PPFIA2: variants seen among roughly 807,000 people sequenced by gnomAD.
PPFIA2 encodes the protein liprin-alpha-2.
PPFIA2 carries 46 observed loss-of-function variants against 175.5 expected under a neutral mutation model. The ratio of observed to expected loss-of-function variants is 0.26; its 90% CI spans 0.21 to 0.34. The LOEUF (loss-of-function observed/expected upper bound fraction) is 0.34, where lower values mean the gene tolerates loss of function less well. PPFIA2 is among the 10% of genes least tolerant of loss of function. PPFIA2 has a pLI of 1.00. For missense variants in PPFIA2, 1,179 were observed against 1,506.1 expected (o/e 0.78, Z 3.60); for synonymous variants, 568 against 511.4 (o/e 1.11, Z -1.49).
chr12:81,452,258 C>G (rs1477938680), intron 5 of PPFIA2, among the ~76,000 whole-genome samples: 1 of 152,102 alleles, frequency 6.6e-6, no homozygotes, highest in Admixed American at 6.6e-5. Flanking sequence ...ATATAACTTC[C>G]TATTAGATCT....
At chr12:81,341,279 T>C in intron 19 of PPFIA2, 71 bp from the exon 20 acceptor site, 1 of 1,480,406 alleles carries the variant, frequency 6.8e-7, no homozygotes. Flanking sequence ...AAATGGAGAA[T>C]CATGAGAACA....
intron 3 of PPFIA2, among the ~76,000 whole-genome samples, chr12:81,733,612 G>A (rs965287503): frequency 1.3e-5 from 2 of 151,648 alleles, no homozygotes; most frequent in African/African-American, 4.8e-5. Context: ...TAAAGAGATT[G>A]CTTTTACAAC....
At chr12:81,650,012 G>T (rs1045406881) in intron 4 of PPFIA2, among the ~76,000 whole-genome samples, 287 of 147,568 alleles carry the variant, frequency 1.9e-3, no homozygotes, top group African/African-American at 6.3e-3. Flanking sequence ...TTTTGTTTTT[G>T]TTTTTTTTTT....
intron 11 of PPFIA2, 41 bp downstream of exon 11, chr12:81,374,593 T>G: frequency 6.5e-7 from 1 of 1,537,084 alleles, no homozygotes; most frequent in Non-Finnish European, 8.7e-7. Context: ...AAGTCCTTTC[T>G]ACAAATATAT....
At chr12:81,617,605 T>C (rs2061538970) in intron 4 of PPFIA2, among the ~76,000 whole-genome samples, 2 of 152,172 alleles carry the variant, frequency 1.3e-5, no homozygotes. Flanking sequence ...TCTGAGAAAA[T>C]CCAAAGTCTT....
At position 81,268,285 on chromosome 12, in the gene PPFIA2, C is replaced by A. The variant is rs1238209514; in HGVS notation, c.3311-198G>T. Among the ~76,000 whole-genome samples, 4 of 150,604 alleles carry A rather than the reference C, an allele frequency of 2.7e-5. No individual in the cohort carries two copies. In the East Asian group the frequency reaches 5.9e-4, roughly 22 times the overall value. On this transcript the variant is annotated intron_variant, in intron 28 of 32. Transcript: ENST00000549396. ...TCCCAAGTAGCTGGGACTACAGGCG[C>A]CCGCCACTACGCCCGGCTAATTTTT...
chr12:81,677,315 C>A (rs962377651), intron 3 of PPFIA2, among the ~76,000 whole-genome samples: 1 of 151,732 alleles, frequency 6.6e-6, no homozygotes, highest in Non-Finnish European at 1.5e-5. Flanking sequence ...AAGTCCATCA[C>A]CTCAAACATT....
chr12:81,648,780 A>G (rs1178326359), intron 4 of PPFIA2, among the ~76,000 whole-genome samples: 1 of 152,026 alleles, frequency 6.6e-6, no homozygotes, highest in Non-Finnish European at 1.5e-5. Context: ...ATTATTGGCA[A>G]AAAGATAGAC....
chr12:81,614,481 A>T lies in PPFIA2; in HGVS notation c.303+62310T>A, dbSNP rs180968173. On this transcript the variant is annotated intron_variant, in intron 4 of 32. Coordinates refer to ENST00000549396, the MANE Select transcript of PPFIA2 (RefSeq NM_003625.5). ...AGTAATTTATATGAATGGACATTAC[A>T]TTCAAAATCCCATGTTTAAGATGAG... 2.0e-4 allele frequency among the ~76,000 whole-genome samples: 31 copies of T among 152,262 alleles called. No homozygotes were observed. The East Asian group carries it at 4.6e-3, about 23-fold the overall frequency.
At chr12:81,295,756 C>CGAGGTGGAAGGATCACATGAGGTCAG (rs1160264738) in intron 23 of PPFIA2, among the ~76,000 whole-genome samples, 13 of 152,074 alleles carry the variant, frequency 8.5e-5, no homozygotes, top group African/African-American at 2.7e-4. Context: ...TTTGGGAGGC[C>CGAGGTGGAAGGATCACATGAGGTCAG]GAGGTGGAAG....
intron 4 of PPFIA2, among the ~76,000 whole-genome samples, chr12:81,507,388 G>T (rs1305384492): frequency 6.6e-6 from 1 of 151,094 alleles, no homozygotes; most frequent in East Asian, 1.9e-4. Flanking sequence ...GCTTGAAATT[G>T]TATATATACA....
chr12:81,603,866 T>C (rs2153458707), intron 4 of PPFIA2, among the ~76,000 whole-genome samples: 1 of 147,514 alleles, frequency 6.8e-6, no homozygotes, highest in South Asian at 2.2e-4. Context: ...ATTACACCTG[T>C]CCCTTACTGT....
In PPFIA2 at chr12:81,623,546, T is replaced by G. The variant is rs546005244; in HGVS notation, c.303+53245A>C. 1.3e-3 allele frequency among the ~76,000 whole-genome samples: 197 copies of G among 152,136 alleles called. 3 individuals carry two copies. The South Asian group carries it at 0.038, about 29-fold the overall frequency. ...AAGCAGTTAAGTGATCTCCCCAAAA[T>G]GTTGGGGTAACTTACATTTAGAGTG... On this transcript the variant is annotated intron_variant, in intron 4 of 32. Transcript: ENST00000549396.
chr12:81,273,068 T>C (rs2039554516), intron 28 of PPFIA2, among the ~76,000 whole-genome samples: 1 of 152,126 alleles, frequency 6.6e-6, no homozygotes, highest in Non-Finnish European at 1.5e-5. Context: ...TATTTGGTGG[T>C]TATGACCTTT....
intron 4 of PPFIA2, among the ~76,000 whole-genome samples, chr12:81,500,537 A>C (rs2060486039): frequency 6.6e-6 from 1 of 152,194 alleles, no homozygotes; most frequent in Admixed American, 6.6e-5. Flanking sequence ...ACAGCAACCA[A>C]TATCTTGTCA....
chr12:81,638,520 G>A lies in PPFIA2; in HGVS notation c.303+38271C>T, dbSNP rs375632040. On this transcript the variant is annotated intron_variant, in intron 4 of 32. Coordinates refer to ENST00000549396, the MANE Select transcript of PPFIA2 (RefSeq NM_003625.5). ...TGAAGAGAGAAAAGTAAAGAGTTGA[G>A]GATGAATCTTAAAGCAATGTTTCTT... Among the ~76,000 whole-genome samples the A allele has an allele frequency of 8.8e-4, 133 of 151,910 alleles. 2 individuals are homozygous for A. The South Asian group carries it at 0.018, about 20-fold the overall frequency.
At position 81,525,914 on chromosome 12, in the gene PPFIA2, C is replaced by A. The variant is rs1166854935; in HGVS notation, c.304-68048G>T. 3.9e-5 allele frequency among the ~76,000 whole-genome samples: 6 copies of A among 152,014 alleles called. No homozygotes were observed. In the East Asian group the frequency reaches 1.2e-3, roughly 29 times the overall value. On this transcript the variant is annotated intron_variant, in intron 4 of 32. Coordinates refer to ENST00000549396, the MANE Select transcript of PPFIA2 (RefSeq NM_003625.5). ...TTTTGGCTAGAATAATATAGATACA[C>A]AACAAAATTCTTAGAAATTTTCCCA...
intron 4 of PPFIA2, among the ~76,000 whole-genome samples, chr12:81,567,214 A>C (rs2071519382): frequency 6.6e-6 from 1 of 151,912 alleles, no homozygotes; most frequent in Non-Finnish European, 1.5e-5. Context: ...TGCCTGGCTA[A>C]TTTCTTTTGT....
At chr12:81,326,591 T>C (rs1039566732) in intron 21 of PPFIA2, among the ~76,000 whole-genome samples, 5 of 152,122 alleles carry the variant, frequency 3.3e-5, no homozygotes, top group Non-Finnish European at 5.9e-5. Context: ...AGTGTCAATA[T>C]ATAATATGTA....
Sources: gnomAD v4.1 joint callset for allele counts (sites outside exome capture counted in the v4.1 genomes callset) on GRCh38, gnomAD v4.1.1 for gene constraint, MANE v1.5 for transcripts, NCBI Gene and HGNC (gene_info 2026-07-23, HGNC 2026-07-21) for gene names.